The following MAPKAP1 variants were observed in gnomAD, a reference collection of about 807,000 sequenced individuals.
The protein encoded by MAPKAP1 is MAPK associated protein 1.
In MAPKAP1, 20 loss-of-function variants were observed where a neutral mutation model predicts 65.7. That is an observed-to-expected ratio of 0.30 (90% CI 0.21 to 0.44). The LOEUF is 0.44. Among genes scored for constraint, MAPKAP1 ranks in the 20% least tolerant of loss-of-function variants. The probability of loss-of-function intolerance (pLI) is 1.00; values close to 1 mark genes in which losing one functional copy is unlikely to be tolerated. For synonymous variants in MAPKAP1, 222 were observed against 244.3 expected (o/e 0.91, Z 0.85); for missense variants, 423 against 648.0 (o/e 0.65, Z 3.77).
intron 4 of MAPKAP1, among the ~76,000 whole-genome samples, chr9:125,611,944 T>C (rs73667024): frequency 0.027 from 4,054 of 152,278 alleles, 183 homozygotes; most frequent in African/African-American, 0.093. Context: ...ACAGATTGAG[T>C]ATCCCCTATT....
rs373648752 is a variant in MAPKAP1, at chr9:125,447,729, T to G, written c.1346-3131A>C. The stretch of plus-strand genomic sequence containing the variant: ...CGTGAAGAAGGTAAACGCAGGGAGC[T>G]GCCGTGGAGACACCAAGGCAGAAGC... On this transcript the variant is annotated intron_variant, in intron 10 of 11. Coordinates refer to ENST00000265960, the MANE Select transcript of MAPKAP1 (RefSeq NM_001006617.3). This position sits in a 1 kb window ranked among gnomAD's most constrained non-coding sequence, Gnocchi z 4.5. Among the ~76,000 whole-genome samples, 2 of 151,610 alleles carry G rather than the reference T, an allele frequency of 1.3e-5. No individual in the cohort carries two copies. The highest frequency in any genetic ancestry group is 4.9e-5 in the African/African-American group (2 of 41,204).
At chr9:125,444,631 T>C (rs1053973814) in intron 10 of MAPKAP1, 33 bp from the exon 11 acceptor site, 1 of 1,515,702 alleles carries the variant, frequency 6.6e-7, no homozygotes, top group Non-Finnish European at 9.1e-7. Context: ...TGAGGGGTTC[T>C]GGTGAGTTAA....
In MAPKAP1 at chr9:125,438,945, T is replaced by C. The variant is rs1441208408; in HGVS notation, c.1511A>G (p.Lys504Arg). ...GCTGAAGCTCGTACGTCTGTTCAGTTTTCTTTGTTTTTGAGCAAAGTAGTC... is the reference window on the plus strand; with the variant it reads ...GCTGAAGCTCGTACGTCTGTTCAGTCTTCTTTGTTTTTGAGCAAAGTAGTC... The part of the protein sequence containing the change: ...RADYFAQKQR[K>R]LNRRTSFSFQ... Residue 504 changes from lysine (K) to arginine (R), a missense_variant, in exon 12 of 12, where the codon AAA becomes AGA. By Grantham distance (26) the Lys-to-Arg change is conservative (BLOSUM62 2). Coordinates refer to ENST00000265960, the MANE Select transcript of MAPKAP1 (RefSeq NM_001006617.3). 6.2e-7 allele frequency: 1 copy of C among 1,614,092 alleles called. No individual in the cohort carries two copies. Among genetic ancestry groups the C allele is most frequent in the African/African-American group, 1.3e-5 (1 of 74,948 alleles).
rs778401735 is a variant in MAPKAP1, at chr9:125,542,983, C to A, written c.958+76G>T. The stretch of plus-strand genomic sequence containing the variant: ...TCTGAAAGAATCTAGCCAGCCATCA[C>A]ACACACACACCCCCTATGCCCTTTT... On this transcript the variant is annotated intron_variant, in intron 7 of 11. Coordinates refer to ENST00000265960, the MANE Select transcript of MAPKAP1 (RefSeq NM_001006617.3). 9.2e-6 allele frequency: 9 copies of A among 978,530 alleles called. 1 individual carries two copies. In the South Asian group the frequency reaches 1.2e-4, roughly 13 times the overall value. The allele number at this position is 978,530 out of a possible 1,614,324, so 60.6% of individuals were successfully genotyped here.
At chr9:125,462,094 AAGAG>A (rs534282891) in intron 10 of MAPKAP1, among the ~76,000 whole-genome samples, 252 of 152,350 alleles carry the variant, frequency 1.7e-3, no homozygotes, top group African/African-American at 5.5e-3. Flanking sequence ...TCACATGAGA[AAGAG>A]AGAGAGCGCA....
In MAPKAP1 at chr9:125,651,477, C is replaced by T. The variant is rs1403159812; in HGVS notation, c.498+6174G>A. Among the ~76,000 whole-genome samples, 3 of 151,878 alleles carry T rather than the reference C, an allele frequency of 2.0e-5. 1 individual carries two copies. The highest frequency in any genetic ancestry group is 4.2e-4 in the South Asian group (2 of 4,816). On this transcript the variant is annotated intron_variant, in intron 4 of 11. Transcript: ENST00000265960. ...AAAATTAGCCAGGTGTGTTGGCAGGCGCCTGTAATCCCAGCTACTCGGGAG... is the reference window on the plus strand; with the variant it reads ...AAAATTAGCCAGGTGTGTTGGCAGGTGCCTGTAATCCCAGCTACTCGGGAG...
At chr9:125,456,721 G>C (rs1040519552) in intron 10 of MAPKAP1, among the ~76,000 whole-genome samples, 1 of 152,176 alleles carries the variant, frequency 6.6e-6, no homozygotes, top group Non-Finnish European at 1.5e-5. Flanking sequence ...AACTCTGCCA[G>C]CAACGACTCA....
At chr9:125,699,145 A>T (rs144152426) in intron 1 of MAPKAP1, among the ~76,000 whole-genome samples, 8 of 152,294 alleles carry the variant, frequency 5.3e-5, no homozygotes, top group African/African-American at 1.9e-4. Flanking sequence ...ACAAGTCTAA[A>T]CACGCAATTC....
chr9:125,568,933 G>A (rs944916800), intron 5 of MAPKAP1: 13 of 174,174 alleles, frequency 7.5e-5, no homozygotes, highest in Non-Finnish European at 1.3e-4. Context: ...AAAAATCAGC[G>A]TTTATCTCCT....
intron 6 of MAPKAP1, among the ~76,000 whole-genome samples, chr9:125,556,726 C>G (rs935808599): frequency 6.6e-5 from 10 of 152,128 alleles, no homozygotes; most frequent in African/African-American, 2.4e-4. Flanking sequence ...CTGGGATTTC[C>G]TTCTCTGAAA....
intron 7 of MAPKAP1, among the ~76,000 whole-genome samples, chr9:125,522,597 C>G (rs1425891051): frequency 6.6e-6 from 1 of 152,202 alleles, no homozygotes; most frequent in Non-Finnish European, 1.5e-5. Flanking sequence ...CCTTGCATTC[C>G]TTCTCACTCA....
intron 1 of MAPKAP1, among the ~76,000 whole-genome samples, chr9:125,687,191 TAAAC>T (rs942356298): frequency 2.0e-5 from 3 of 150,378 alleles, no homozygotes; most frequent in Admixed American, 1.3e-4. Context: ...TTAAAGGTGA[TAAAC>T]AATACAGTTA....
intron 10 of MAPKAP1, among the ~76,000 whole-genome samples, chr9:125,467,409 G>C (rs896929615): frequency 2.0e-5 from 3 of 152,206 alleles, no homozygotes; most frequent in Non-Finnish European, 2.9e-5. Context: ...TTTAAGCGGA[G>C]GAATGCCAAC....
Position 125,439,510 on chromosome 9 carries a change from C to A in MAPKAP1, c.1444-498G>T, listed in dbSNP as rs921025658. ...TCCCACCACAGTGCTTCCTTCAGGG[C>A]TCATGAGTGCCCAGCCAGGCAGGGC... On this transcript the variant is annotated intron_variant, in intron 11 of 11. Coordinates refer to ENST00000265960, the MANE Select transcript of MAPKAP1 (RefSeq NM_001006617.3). This position sits in a 1 kb window ranked among gnomAD's most constrained non-coding sequence, Gnocchi z 4.0. Among the ~76,000 whole-genome samples, 3 of 152,238 alleles carry A rather than the reference C, an allele frequency of 2.0e-5. No individual in the cohort carries two copies. Among genetic ancestry groups the A allele is most frequent in the Admixed American group, 2.0e-4 (3 of 15,284 alleles).
chr9:125,480,907 G>C (rs573322173), intron 9 of MAPKAP1, among the ~76,000 whole-genome samples: 31 of 150,080 alleles, frequency 2.1e-4, no homozygotes, highest in African/African-American at 7.4e-4. Flanking sequence ...GGTAGGAGGA[G>C]GTTGCAGTGA....
intron 1 of MAPKAP1, among the ~76,000 whole-genome samples, chr9:125,681,377 G>A (rs1834816501): frequency 6.6e-6 from 1 of 152,194 alleles, no homozygotes; most frequent in East Asian, 1.9e-4. Context: ...GGAGAAAGAA[G>A]CTCAGCCATC....
intron 10 of MAPKAP1, among the ~76,000 whole-genome samples, chr9:125,449,386 G>A (rs1466388819): frequency 6.6e-6 from 1 of 152,152 alleles, no homozygotes; most frequent in African/African-American, 2.4e-5. Context: ...ATGATAAAAT[G>A]CTAATTGCTT....
At chr9:125,654,280 G>T (rs542107610) in intron 4 of MAPKAP1, among the ~76,000 whole-genome samples, 1 of 152,296 alleles carries the variant, frequency 6.6e-6, no homozygotes, top group African/African-American at 2.4e-5. Context: ...CTAGAATAGA[G>T]GTTTTGTGTT....
At chr9:125,636,812 C>T (rs1163330824) in intron 4 of MAPKAP1, among the ~76,000 whole-genome samples, 2 of 152,228 alleles carry the variant, frequency 1.3e-5, no homozygotes, top group Non-Finnish European at 2.9e-5. Flanking sequence ...ACTTCTTACT[C>T]ATGGTCACAC....
Sources: gnomAD v4.1 joint callset for allele counts (sites outside exome capture counted in the v4.1 genomes callset) on GRCh38, gnomAD v4.1.1 for gene constraint, Gnocchi (gnomAD v3.1) non-coding constraint, MANE v1.5 for transcripts, NCBI Gene and HGNC (gene_info 2026-07-23, HGNC 2026-07-21) for gene names.